Variants in MEGF10 observed in about 807,000 individuals in gnomAD.
The protein encoded by MEGF10 is multiple EGF like domains 10.
A neutral mutation model predicts 147.5 loss-of-function variants in MEGF10; 86 were observed. The observed-to-expected ratio is 0.58, with a 90% CI of 0.49 to 0.70. The LOEUF is 0.70. MEGF10 is among the 30% of genes least tolerant of loss of function. The pLI, the probability that MEGF10 is intolerant of heterozygous loss-of-function variation, is 0.00. For synonymous variants in MEGF10, 478 were observed against 525.5 expected, an observed-to-expected ratio of 0.91 and a Z score of 1.24; for missense variants, 1,329 against 1,487.3, an observed-to-expected ratio of 0.89 and a Z score of 1.75.
At chr5:127,309,696 G>T (rs986962822) in intron 1 of MEGF10, among the ~76,000 whole-genome samples, 6 of 152,082 alleles carry the variant, frequency 3.9e-5, no homozygotes, top group Admixed American at 3.9e-4. Context: ...TTCATTAATG[G>T]ACATATGTGT....
intron 1 of MEGF10, among the ~76,000 whole-genome samples, chr5:127,319,613 A>C (rs553262878): frequency 6.6e-6 from 1 of 152,142 alleles, no homozygotes; most frequent in Non-Finnish European, 1.5e-5. Context: ...AACTTCTACC[A>C]TGCTTGTATC....
chr5:127,420,343 G>A, intron 12 of MEGF10, 136 bp downstream of exon 12: 2 of 930,074 alleles, frequency 2.2e-6, no homozygotes, highest in African/African-American at 1.7e-5. Context: ...AAGAATCCAG[G>A]TATTTGGATT....
the MEGF10 span, among the ~76,000 whole-genome samples, chr5:127,272,696 A>T: frequency 1.3e-5 from 2 of 152,120 alleles, no homozygotes; most frequent in African/African-American, 2.4e-5. Context: ...GGCAATTGTG[A>T]ATGGAAGTTC....
At chr5:127,340,952 G>C (rs1455960220) in intron 4 of MEGF10, among the ~76,000 whole-genome samples, 1 of 152,134 alleles carries the variant, frequency 6.6e-6, no homozygotes, top group Non-Finnish European at 1.5e-5. Flanking sequence ...CATTGGACCT[G>C]GGTCCCAGAA....
chr5:127,420,111 A>G lies in MEGF10; in HGVS notation c.1494A>G (p.Thr498=), dbSNP rs1481696646. The G allele has an allele frequency of 6.2e-7, 1 of 1,614,028 alleles. No homozygotes were observed. Among genetic ancestry groups the G allele is most frequent in the Non-Finnish European group, 8.5e-7 (1 of 1,180,032 alleles). ...SGTWGFGCNL[T]CQCLNGGACN... ...CATGGGGCTTTGGCTGTAACTTAAC[A>G]TGCCAGTGCCTCAACGGGGGAGCCT... Residue 498 remains threonine, a synonymous_variant, in exon 12 of 25, where the codon ACA becomes ACG. Coordinates refer to ENST00000503335, the MANE Select transcript of MEGF10 (RefSeq NM_001256545.2).
In MEGF10 at chr5:127,455,615, C is replaced by A. The variant is rs1036130197; in HGVS notation, c.3232+8C>A. 4 of 1,612,794 alleles carry A rather than the reference C, an allele frequency of 2.5e-6. No individual in the cohort carries two copies. The highest frequency in any genetic ancestry group is 1.1e-5 in the South Asian group (1 of 90,876). On this transcript the variant is annotated splice_region_variant and intron_variant, in intron 24 of 24. Coordinates refer to ENST00000503335, the MANE Select transcript of MEGF10 (RefSeq NM_001256545.2). ...GGAATGTCTATGAAGTTGGTGAGTT[C>A]CCTTAACCATAGAAAGAACCGAGTG... is the stretch of plus-strand genomic sequence containing the variant.
intron 9 of MEGF10, among the ~76,000 whole-genome samples, chr5:127,414,538 C>T (rs1267768660): frequency 6.6e-6 from 1 of 152,054 alleles, no homozygotes; most frequent in African/African-American, 2.4e-5. Flanking sequence ...TTCCTTTAAG[C>T]CAAGACTTTG....
At position 127,391,104 on chromosome 5, in the gene MEGF10, A is replaced by ACG. The variant is rs1322506899; in HGVS notation, c.413-5427_413-5426insGC. ...TACACACATGCGCGCGCGCGCGCGCACACACACACACACACACACACACAC... is the reference window on the plus strand; with the variant it reads ...TACACACATGCGCGCGCGCGCGCGCACGCACACACACACACACACACACACAC... On this transcript the variant is annotated intron_variant, in intron 5 of 24. Coordinates refer to ENST00000503335, the MANE Select transcript of MEGF10 (RefSeq NM_001256545.2). Among the ~76,000 whole-genome samples, 28 of 49,434 alleles carry ACG rather than the reference A, an allele frequency of 5.7e-4. No individual in the cohort carries two copies. The East Asian group carries it at 0.013, about 24-fold the overall frequency. 32.4% of individuals were successfully genotyped at this position (49,434 alleles called of 152,430 possible).
intron 5 of MEGF10, among the ~76,000 whole-genome samples, chr5:127,381,410 C>T (rs769810505): frequency 2.6e-5 from 4 of 152,172 alleles, no homozygotes; most frequent in African/African-American, 4.8e-5. Context: ...TTCATATAAA[C>T]ATATACATGA....
At chr5:127,449,637 A>G (rs889572258) in intron 22 of MEGF10, among the ~76,000 whole-genome samples, 1 of 152,158 alleles carries the variant, frequency 6.6e-6, no homozygotes, top group Non-Finnish European at 1.5e-5. Context: ...TAGAGCTAGT[A>G]TTGGACCCTG....
At chr5:127,291,508 C>T (rs1408765865) in intron 1 of MEGF10, among the ~76,000 whole-genome samples, 5 of 152,110 alleles carry the variant, frequency 3.3e-5, no homozygotes, top group African/African-American at 1.2e-4. Context: ...CTCTTTCTCC[C>T]GTCCTTGGTA....
upstream of MEGF10, among the ~76,000 whole-genome samples, chr5:127,288,411 T>TA (rs1759097966): frequency 6.6e-6 from 1 of 152,098 alleles, no homozygotes; most frequent in African/African-American, 2.4e-5. Context: ...AAGACTTGAT[T>TA]AAAAATTGGG....
At chr5:127,455,291 G>A (rs1352498035) in intron 23 of MEGF10, 110 bp from the exon 24 acceptor site, 3 of 884,582 alleles carry the variant, frequency 3.4e-6, no homozygotes, top group Non-Finnish European at 5.4e-6. Flanking sequence ...ATTATTTTCA[G>A]TGTGTAGAAT....
intron 1 of MEGF10, among the ~76,000 whole-genome samples, chr5:127,308,513 C>CA (rs1399120128): frequency 6.6e-6 from 1 of 152,118 alleles, no homozygotes; most frequent in African/African-American, 2.4e-5. Context: ...CACATATACA[C>CA]CATGGAATAC....
chr5:127,425,739 G>C (rs1424947067), intron 13 of MEGF10, among the ~76,000 whole-genome samples: 1 of 152,074 alleles, frequency 6.6e-6, no homozygotes, highest in Non-Finnish European at 1.5e-5. Flanking sequence ...TTAGTACCCT[G>C]TTAGGACCTT....
At chr5:127,265,716 T>G in the MEGF10 span, among the ~76,000 whole-genome samples, 3 of 152,210 alleles carry the variant, frequency 2.0e-5, no homozygotes, top group African/African-American at 7.2e-5. Context: ...CATAAATGTC[T>G]TCTTTTGAGA....
At chr5:127,373,141 G>A (rs917824940) in intron 5 of MEGF10, among the ~76,000 whole-genome samples, 4 of 151,918 alleles carry the variant, frequency 2.6e-5, no homozygotes, top group African/African-American at 9.7e-5. Context: ...TCCAGCTTTG[G>A]CCATTGTGTC....
intron 5 of MEGF10, among the ~76,000 whole-genome samples, chr5:127,375,664 C>A (rs1383195286): frequency 6.6e-6 from 1 of 152,210 alleles, no homozygotes; most frequent in African/African-American, 2.4e-5. Flanking sequence ...GTTCTTCCCC[C>A]CATCAATTTA....
At chr5:127,308,559 T>C (rs1018265772) in intron 1 of MEGF10, among the ~76,000 whole-genome samples, 43 of 152,346 alleles carry the variant, frequency 2.8e-4, no homozygotes, top group African/African-American at 1.0e-3. Context: ...TCATGTCTTT[T>C]GTAGGGACAT....
Sources: gnomAD v4.1 joint callset for allele counts (sites outside exome capture counted in the v4.1 genomes callset) on GRCh38, gnomAD v4.1.1 for gene constraint, MANE v1.5 for transcripts, NCBI Gene and HGNC (gene_info 2026-07-23, HGNC 2026-07-21) for gene names.